The following IFT46 variants were observed in gnomAD, a reference collection of about 807,000 sequenced individuals.
The protein encoded by IFT46 is intraflagellar transport 46, also known as intraflagellar transport protein 46 homolog.
In IFT46, 19 loss-of-function variants were observed where a neutral mutation model predicts 39.6. That is an observed-to-expected ratio of 0.48 (90% CI 0.33 to 0.70). The LOEUF is 0.70. Among genes scored for constraint, IFT46 ranks in the 30% least tolerant of loss-of-function variants. The probability of loss-of-function intolerance (pLI) is 0.01; values close to 1 mark genes in which losing one functional copy is unlikely to be tolerated. For missense variants in IFT46, 334 were observed against 364.8 expected, an observed-to-expected ratio of 0.92 and a Z score of 0.69; for synonymous variants, 117 against 134.8, an observed-to-expected ratio of 0.87 and a Z score of 0.91.
At chr11:118,570,339 C>T (rs535708809), upstream of IFT46, among the ~76,000 whole-genome samples, 1 of 152,140 alleles carries the variant, frequency 6.6e-6, no homozygotes, top group South Asian at 2.1e-4. Context: ...GGATTACAGG[C>T]GTGAGCCACC....
At chr11:118,572,202 G>A (rs370574397) in intron 1 of IFT46, among the ~76,000 whole-genome samples, 2 of 152,096 alleles carry the variant, frequency 1.3e-5, no homozygotes, top group Non-Finnish European at 1.5e-5. Context: ...TAAACTGTAA[G>A]ATGTGACGCA....
chr11:118,557,787 T>C (rs1287093153), intron 3 of IFT46: 18 of 1,614,008 alleles, frequency 1.1e-5, no homozygotes, highest in African/African-American at 2.7e-5. Flanking sequence ...CTCAAGTACA[T>C]GAGAAGGGGT....
At chr11:118,565,752 AAGAC>A (rs1201500092) in intron 1 of IFT46, 34 bp downstream of exon 1, 1 of 152,494 alleles carries the variant, frequency 6.6e-6, no homozygotes, top group Non-Finnish European at 1.5e-5. Flanking sequence ...CCTCTCTAGA[AAGAC>A]AGTTCCCTTT....
chr11:118,573,875 G>T, upstream of IFT46: 1 of 498,322 alleles, frequency 2.0e-6, no homozygotes, highest in Non-Finnish European at 3.6e-6. Context: ...TTCTCCAGGA[G>T]GTTCTGTATT....
At chr11:118,576,426 TAAAAAAAAAA>T (rs10671866), upstream of IFT46, among the ~76,000 whole-genome samples, 1 of 108,778 alleles carries the variant, frequency 9.2e-6, no homozygotes, top group Non-Finnish European at 1.8e-5. Context: ...CCAAAAATGT[TAAAAAAAAAA>T]AAAAAAAAAA....
upstream of IFT46, among the ~76,000 whole-genome samples, chr11:118,574,161 CAT>C (rs1938426545): frequency 6.6e-6 from 1 of 152,088 alleles, no homozygotes; most frequent in African/African-American, 2.4e-5. Context: ...AGTTGTGTCA[CAT>C]ATTTCTGAAT....
At chr11:118,557,173 C>G in intron 3 of IFT46, 128 bp from the exon 4 acceptor site, 1 of 828,398 alleles carries the variant, frequency 1.2e-6, no homozygotes, top group Non-Finnish European at 1.7e-6. Context: ...GAGAAGGGGG[C>G]ACTTCCCAGA....
chr11:118,558,905 T>C (rs1290612731), intron 3 of IFT46, among the ~76,000 whole-genome samples: 2 of 145,554 alleles, frequency 1.4e-5, no homozygotes, highest in African/African-American at 2.6e-5. Flanking sequence ...AGAGCAAGAC[T>C]CTGTCTCAAA....
At chr11:118,560,102 T>G (rs1247509059) in intron 2 of IFT46, 1 of 475,250 alleles carries the variant, frequency 2.1e-6, no homozygotes, top group East Asian at 3.9e-5. Context: ...ATTCAAATTA[T>G]CTGCCATTAC....
At position 118,546,486 on chromosome 11, in the gene IFT46, T is replaced by TA. The variant is rs373375710; in HGVS notation, c.673-634dup. The TA allele has an allele frequency of 3.0e-3, 645 of 212,484 alleles. 1 individual carries two copies. The highest frequency in any genetic ancestry group is 7.5e-3 in the Middle Eastern group (4 of 532). The allele number at this position is 212,484 out of a possible 1,614,324, so 13.2% of individuals were successfully genotyped here. A position where few individuals can be genotyped will look rare whatever the true frequency, so the allele number is the denominator to read the frequency against. ...AGCCTGGGCATAGAGTAATACCCTG[T>TA]AAAAAAAAAGGAAGGAAGGGAGGGA... On this transcript the variant is annotated intron_variant, in intron 9 of 11. Transcript: ENST00000264021.
intron 8 of IFT46, 104 bp downstream of exon 8, chr11:118,552,110 G>T: frequency 7.2e-7 from 1 of 1,392,442 alleles, no homozygotes. Context: ...ACCTCAGGTT[G>T]ATCAAATATG....
At chr11:118,570,318 C>T (rs1201877505), upstream of IFT46, among the ~76,000 whole-genome samples, 1 of 152,064 alleles carries the variant, frequency 6.6e-6, no homozygotes, top group African/African-American at 2.4e-5. Context: ...CCTCAGCCTC[C>T]CAAAGTGCTG....
chr11:118,555,448 C>T, intron 4 of IFT46, 126 bp from the exon 5 acceptor site: 1 of 667,886 alleles, frequency 1.5e-6, no homozygotes, highest in Non-Finnish European at 2.6e-6. Flanking sequence ...TCTCCAATAT[C>T]TGCCTTTCCT....
chr11:118,554,051 T>C (rs1937741859), intron 7 of IFT46, among the ~76,000 whole-genome samples: 1 of 150,768 alleles, frequency 6.6e-6, no homozygotes, highest in African/African-American at 2.4e-5. Flanking sequence ...AATAACCATC[T>C]CTTTTTTTTT....
chr11:118,574,349 G>A (rs879989336), upstream of IFT46, among the ~76,000 whole-genome samples: 4 of 152,036 alleles, frequency 2.6e-5, no homozygotes, highest in African/African-American at 4.8e-5. Flanking sequence ...TCCAGATAGG[G>A]TGAAATTTTT....
intron 4 of IFT46, 179 bp from the exon 5 acceptor site, chr11:118,555,501 T>C (rs1937800558): frequency 9.4e-6 from 5 of 533,234 alleles, no homozygotes; most frequent in South Asian, 2.9e-5. Context: ...TACTTAACTC[T>C]CAATTATCTC....
At chr11:118,567,444 C>T (rs112165796), upstream of IFT46, among the ~76,000 whole-genome samples, 12 of 152,084 alleles carry the variant, frequency 7.9e-5, no homozygotes, top group South Asian at 4.2e-4. Flanking sequence ...GGCATGGTGG[C>T]GCGCGCCTGT....
chr11:118,559,986 G>A (rs1247487153), intron 2 of IFT46, 122 bp from the exon 3 acceptor site: 1 of 639,252 alleles, frequency 1.6e-6, no homozygotes, highest in Non-Finnish European at 2.7e-6. Context: ...GGAACATCTG[G>A]CTAAAGAGAC....
At chr11:118,549,251 G>A (rs1951765091) in intron 9 of IFT46, among the ~76,000 whole-genome samples, 1 of 149,790 alleles carries the variant, frequency 6.7e-6, no homozygotes, top group South Asian at 2.1e-4. Flanking sequence ...TTGTTGCCCA[G>A]ACCGGTCCTG....
Sources: allele counts gnomAD v4.1 joint callset (sites outside exome capture counted in the v4.1 genomes callset), GRCh38; gene constraint gnomAD v4.1.1; transcripts MANE v1.5; gene names NCBI Gene and HGNC (gene_info 2026-07-23, HGNC 2026-07-21).